RGS8: variants seen among roughly 807,000 people sequenced by gnomAD.
The protein encoded by RGS8 is regulator of G protein signaling 8.
In RGS8, 8 loss-of-function variants were observed where a neutral mutation model predicts 21.7. The observed-to-expected ratio is 0.37, with a 90% CI of 0.22 to 0.66. The LOEUF is 0.66. Among genes scored for constraint, RGS8 ranks in the 30% least tolerant of loss-of-function variants. The probability of loss-of-function intolerance (pLI) is 0.59; values close to 1 mark genes in which losing one functional copy is unlikely to be tolerated. For synonymous variants in RGS8, 80 were observed against 83.6 expected (o/e 0.96, Z 0.24); for missense variants, 157 against 217.9 (o/e 0.72, Z 1.76).
chr1:182,706,603 A>G, the RGS8 span, among the ~76,000 whole-genome samples: 1 of 151,942 alleles, frequency 6.6e-6, no homozygotes. Flanking sequence ...AGTAGCTGGG[A>G]CTACAGGCGT....
the RGS8 span, among the ~76,000 whole-genome samples, chr1:182,735,700 G>A: frequency 6.6e-6 from 1 of 152,236 alleles, no homozygotes; most frequent in East Asian, 1.9e-4. Flanking sequence ...TACACAGCCT[G>A]ATTGCACCAG....
chr1:182,717,559 T>G, the RGS8 span, among the ~76,000 whole-genome samples: 1 of 152,232 alleles, frequency 6.6e-6, no homozygotes, highest in East Asian at 1.9e-4. Flanking sequence ...TTAAAAGAAC[T>G]AAAATTCTGG....
chr1:182,648,973 G>A lies in RGS8; in HGVS notation c.194-670C>T, dbSNP rs185889503. Among the ~76,000 whole-genome samples the A allele has an allele frequency of 4.4e-3, 670 of 152,218 alleles. 7 individuals are homozygous for A. Among genetic ancestry groups the A allele is most frequent in the African/African-American group, 0.015 (627 of 41,524 alleles). On this transcript the variant is annotated intron_variant, in intron 5 of 6. Coordinates refer to ENST00000483095, the Ensembl canonical transcript of RGS8. ...GAATTAGCTGGGTGTGGTGGTGCAT[G>A]CTTGTAATTCCAGCTACTTGGGAAG... is the stretch of plus-strand genomic sequence containing the variant.
chr1:182,674,428 AATAACACAAGGAAACGGAACATT>A (rs1664291697), upstream of RGS8, among the ~76,000 whole-genome samples: 2 of 152,238 alleles, frequency 1.3e-5, no homozygotes, highest in African/African-American at 2.4e-5. Context: ...TGTGGACATG[AATAACACAAGGAAACGGAACATT>A]AAAACTAGTC....
At chr1:182,703,772 C>A in the RGS8 span, among the ~76,000 whole-genome samples, 425 of 152,272 alleles carry the variant, frequency 2.8e-3, 3 homozygotes, top group African/African-American at 9.8e-3. Context: ...ATTTTGTTTG[C>A]GTTCCCTCAG....
chr1:182,666,053 T>A lies in RGS8; in HGVS notation c.129-20A>T, dbSNP rs375275252. On this transcript the variant is annotated intron_variant, in intron 4 of 6. Coordinates refer to ENST00000483095, the Ensembl canonical transcript of RGS8. Reference sequence around the variant, plus strand: ...AATCTCCTAGAAAAAAAGAAACATCTGTCTTGAATGTTTCTGAAATAACCT... The same window carrying A: ...AATCTCCTAGAAAAAAAGAAACATCAGTCTTGAATGTTTCTGAAATAACCT... 1.3e-5 allele frequency: 21 copies of A among 1,603,124 alleles called. No individual in the cohort carries two copies. The highest frequency in any genetic ancestry group is 1.6e-5 in the Non-Finnish European group (19 of 1,170,390).
At chr1:182,739,353 G>A in the RGS8 span, among the ~76,000 whole-genome samples, 1 of 152,106 alleles carries the variant, frequency 6.6e-6, no homozygotes, top group Non-Finnish European at 1.5e-5. Flanking sequence ...TCTCCCCAAC[G>A]CTGTCATCTG....
the RGS8 span, among the ~76,000 whole-genome samples, chr1:182,706,448 A>G: frequency 6.6e-6 from 1 of 152,132 alleles, no homozygotes; most frequent in Admixed American, 6.5e-5. Flanking sequence ...TGCCTTCCTC[A>G]TCCATGGGCT....
chr1:182,676,430 G>A (rs114034536), upstream of RGS8, among the ~76,000 whole-genome samples: 1,559 of 152,204 alleles, frequency 0.01, 32 homozygotes, highest in African/African-American at 0.035. Context: ...TTTCCACTTC[G>A]TAGCTTCCTA....
At chr1:182,718,845 C>T in the RGS8 span, among the ~76,000 whole-genome samples, 10 of 152,292 alleles carry the variant, frequency 6.6e-5, no homozygotes, top group Admixed American at 5.9e-4. Flanking sequence ...TCCCCTCCCA[C>T]CTTGAATCCA....
the RGS8 span, among the ~76,000 whole-genome samples, chr1:182,724,929 T>C: frequency 1.3e-5 from 2 of 152,190 alleles, no homozygotes; most frequent in Non-Finnish European, 1.5e-5. Flanking sequence ...TCTGTCACTG[T>C]TGTAAGTGGA....
chr1:182,681,327 C>G (rs146509510), intron 1 of RGS8, among the ~76,000 whole-genome samples: 1 of 152,314 alleles, frequency 6.6e-6, no homozygotes, highest in East Asian at 1.9e-4. Flanking sequence ...AATCTCTTCC[C>G]CTTCTCAGAT....
chr1:182,729,845 G>A, the RGS8 span, among the ~76,000 whole-genome samples: 1 of 152,120 alleles, frequency 6.6e-6, no homozygotes, highest in Non-Finnish European at 1.5e-5. Flanking sequence ...TTTTAAGGTT[G>A]CCAATCAAAT....
chr1:182,719,623 T>A, the RGS8 span, among the ~76,000 whole-genome samples: 1 of 151,434 alleles, frequency 6.6e-6, no homozygotes. Flanking sequence ...AAAGATGAGG[T>A]CTCACTATAT....
At chr1:182,662,712 C>A (rs1020301569) in intron 5 of RGS8, among the ~76,000 whole-genome samples, 4 of 152,138 alleles carry the variant, frequency 2.6e-5, no homozygotes, top group African/African-American at 9.7e-5. Context: ...GGCCACCCAG[C>A]GTGTAGTCAG....
chr1:182,742,549 C>G, the RGS8 span, among the ~76,000 whole-genome samples: 4 of 152,342 alleles, frequency 2.6e-5, no homozygotes, highest in East Asian at 7.7e-4. Flanking sequence ...CCAGCCCGGC[C>G]AACACAGCGA....
the RGS8 span, among the ~76,000 whole-genome samples, chr1:182,723,352 C>T: frequency 1.3e-5 from 2 of 152,180 alleles, no homozygotes; most frequent in African/African-American, 4.8e-5. Context: ...TCCAAGCTCA[C>T]ACATGAAGTT....
At chr1:182,700,914 G>A in the RGS8 span, among the ~76,000 whole-genome samples, 2 of 152,130 alleles carry the variant, frequency 1.3e-5, no homozygotes, top group Non-Finnish European at 1.5e-5. Flanking sequence ...AGCAGAACTG[G>A]GATTCAAGTG....
At chr1:182,690,263 A>G in the RGS8 span, among the ~76,000 whole-genome samples, 1 of 152,128 alleles carries the variant, frequency 6.6e-6, no homozygotes, top group Non-Finnish European at 1.5e-5. Context: ...ATCTCATAAC[A>G]TCCTGTACTT....
Sources: allele counts gnomAD v4.1 joint callset (sites outside exome capture counted in the v4.1 genomes callset), GRCh38; gene constraint gnomAD v4.1.1; transcripts MANE v1.5; gene names NCBI Gene and HGNC (gene_info 2026-07-23, HGNC 2026-07-21).